SLC9A9: variants seen among roughly 807,000 people sequenced by gnomAD.
The protein encoded by SLC9A9 is solute carrier family 9 member A9.
Under a neutral mutation model 77.8 loss-of-function variants are expected in SLC9A9, and 62 were observed. That is an observed-to-expected ratio of 0.80 (90% CI 0.65 to 0.98). SLC9A9 has a LOEUF of 0.98. SLC9A9 is among the 50% of genes least tolerant of loss of function. SLC9A9 has a pLI of 0.00. For missense variants in SLC9A9, 775 were observed against 774.9 expected (o/e 1.00, Z 0.00); for synonymous variants, 320 against 283.5 (o/e 1.13, Z -1.29).
chr3:143,569,142 A>T (rs2037219113), intron 8 of SLC9A9, among the ~76,000 whole-genome samples: 1 of 151,960 alleles, frequency 6.6e-6, no homozygotes, highest in Non-Finnish European at 1.5e-5. Context: ...CCCCAATTAT[A>T]ATTCCAAAAT....
chr3:143,526,676 A>C (rs2036411739), intron 9 of SLC9A9, among the ~76,000 whole-genome samples: 2 of 152,304 alleles, frequency 1.3e-5, no homozygotes, highest in South Asian at 4.2e-4. Context: ...CAATTTGCTG[A>C]GAGGAAAAAC....
chr3:143,463,771 C>T (rs1267807328), intron 12 of SLC9A9, among the ~76,000 whole-genome samples: 2 of 152,054 alleles, frequency 1.3e-5, no homozygotes, highest in Non-Finnish European at 2.9e-5. Flanking sequence ...AAGAAAAATA[C>T]AACAGCTCCA....
At chr3:143,731,589 A>G (rs763010796) in intron 4 of SLC9A9, among the ~76,000 whole-genome samples, 1 of 152,140 alleles carries the variant, frequency 6.6e-6, no homozygotes, top group Non-Finnish European at 1.5e-5. Context: ...CCTTTCTAAT[A>G]TCATGTATTC....
At chr3:143,725,027 C>T (rs947957412) in intron 4 of SLC9A9, among the ~76,000 whole-genome samples, 4 of 152,124 alleles carry the variant, frequency 2.6e-5, no homozygotes, top group Non-Finnish European at 5.9e-5. Flanking sequence ...TGCCCCCAGC[C>T]CCCCCACTGC....
chr3:143,363,004 T>A (rs1270366249), intron 14 of SLC9A9, among the ~76,000 whole-genome samples: 1 of 152,210 alleles, frequency 6.6e-6, no homozygotes, highest in Non-Finnish European at 1.5e-5. Flanking sequence ...GCCCATTTAT[T>A]TTTGTTCCCT....
chr3:143,358,874 C>T (rs1170046214), intron 14 of SLC9A9, among the ~76,000 whole-genome samples: 2 of 152,180 alleles, frequency 1.3e-5, no homozygotes, highest in Non-Finnish European at 2.9e-5. Context: ...CAGAGAATGG[C>T]TTCTAAGCCA....
At chr3:143,811,276 A>T (rs887529251) in intron 2 of SLC9A9, among the ~76,000 whole-genome samples, 1 of 152,248 alleles carries the variant, frequency 6.6e-6, no homozygotes, top group African/African-American at 2.4e-5. Flanking sequence ...ACCTAGGGAC[A>T]GCTCAAGTGT....
chr3:143,628,145 A>G (rs2038362380), intron 6 of SLC9A9, among the ~76,000 whole-genome samples: 1 of 152,194 alleles, frequency 6.6e-6, no homozygotes, highest in Non-Finnish European at 1.5e-5. Context: ...TGGGGAGCAG[A>G]AGCTGTTTTC....
chr3:143,296,569 T>C (rs374320037), intron 14 of SLC9A9, among the ~76,000 whole-genome samples: 4 of 152,234 alleles, frequency 2.6e-5, no homozygotes, highest in South Asian at 2.1e-4. Flanking sequence ...TTCTTTTGGG[T>C]ATATACCCAG....
chr3:143,742,407 T>C (rs1413735094), intron 4 of SLC9A9, among the ~76,000 whole-genome samples: 3 of 152,198 alleles, frequency 2.0e-5, no homozygotes, highest in Non-Finnish European at 4.4e-5. Flanking sequence ...TTCCCCTGTC[T>C]TGATGAATTG....
chr3:143,600,554 T>G (rs1324634900), intron 6 of SLC9A9, among the ~76,000 whole-genome samples: 1 of 152,192 alleles, frequency 6.6e-6, no homozygotes, highest in African/African-American at 2.4e-5. Flanking sequence ...AGCTAATAAC[T>G]CTACTATTTC....
chr3:143,349,049 CT>C (rs1559877966), intron 14 of SLC9A9, among the ~76,000 whole-genome samples: 1 of 152,196 alleles, frequency 6.6e-6, no homozygotes, highest in East Asian at 1.9e-4. Context: ...CCAGCTGCCC[CT>C]GGTCTCTGCT....
intron 5 of SLC9A9, among the ~76,000 whole-genome samples, chr3:143,672,393 A>G (rs1039813626): frequency 6.6e-6 from 1 of 152,206 alleles, no homozygotes; most frequent in African/African-American, 2.4e-5. Flanking sequence ...TGAAGAACAC[A>G]ATTAAATATT....
intron 14 of SLC9A9, among the ~76,000 whole-genome samples, chr3:143,300,498 TC>T (rs2030475259): frequency 6.6e-6 from 1 of 152,230 alleles, no homozygotes; most frequent in African/African-American, 2.4e-5. Flanking sequence ...TAAAATGCAT[TC>T]AGATGCCTGG....
At chr3:143,390,760 C>T (rs1471437425) in intron 12 of SLC9A9, among the ~76,000 whole-genome samples, 1 of 152,212 alleles carries the variant, frequency 6.6e-6, no homozygotes, top group Admixed American at 6.5e-5. Context: ...CCTAATACCA[C>T]ACTTTTCCAA....
intron 14 of SLC9A9, among the ~76,000 whole-genome samples, chr3:143,272,965 G>T (rs914664140): frequency 2.6e-5 from 4 of 152,210 alleles, no homozygotes; most frequent in African/African-American, 9.6e-5. Flanking sequence ...AAGACAGTTA[G>T]CAAGTGCATT....
chr3:143,272,552 C>A (rs1413794250), intron 14 of SLC9A9, among the ~76,000 whole-genome samples: 2 of 152,132 alleles, frequency 1.3e-5, no homozygotes. Context: ...ACGGGACTTG[C>A]CTAATTGGAT....
intron 4 of SLC9A9, among the ~76,000 whole-genome samples, chr3:143,782,924 C>T (rs546586633): frequency 2.0e-4 from 31 of 152,192 alleles, no homozygotes; most frequent in African/African-American, 6.5e-4. Flanking sequence ...TTGATAGTTG[C>T]CCATGATGGC....
intron 12 of SLC9A9, among the ~76,000 whole-genome samples, chr3:143,411,614 C>A (rs996524268): frequency 2.6e-5 from 4 of 152,136 alleles, no homozygotes; most frequent in African/African-American, 9.7e-5. Flanking sequence ...ATTCTTAGTT[C>A]TAGAAAGCCC....
Sources: allele counts gnomAD v4.1 joint callset (sites outside exome capture counted in the v4.1 genomes callset), GRCh38; gene constraint gnomAD v4.1.1; transcripts MANE v1.5; gene names NCBI Gene and HGNC (gene_info 2026-07-23, HGNC 2026-07-21).